F12: variants seen among roughly 807,000 people sequenced by gnomAD.
F12 encodes Hageman factor.
In F12, 70 loss-of-function variants were observed where a neutral mutation model predicts 74.8. The ratio of observed to expected loss-of-function variants is 0.94; its 90% CI spans 0.77 to 1.14. The LOEUF (loss-of-function observed/expected upper bound fraction) is 1.14. Among genes scored for constraint, F12 ranks in the 50% most tolerant of loss-of-function variants. The pLI is 0.00. For synonymous variants in F12, 373 were observed against 356.4 expected (o/e 1.05, Z -0.52); for missense variants, 811 against 835.7 (o/e 0.97, Z 0.36).
intron 4 of F12, 78 bp from the exon 5 acceptor site, chr5:177,405,511 C>T (rs1763269196): frequency 1.4e-6 from 2 of 1,471,768 alleles, no homozygotes; most frequent in Non-Finnish European, 1.9e-6. Context: ...CTTGAACCTA[C>T]TTGCCTTGTG....
chr5:177,404,918 G>A lies in F12; in HGVS notation c.530-4C>T, dbSNP rs1319731438. ...AGGCACGGGTTGGTGCGGCAGGCTT[G>A]GGGAGGGAACGCAGTGAGCCACCCC... On this transcript the variant is annotated splice_polypyrimidine_tract_variant and splice_region_variant and intron_variant, in intron 6 of 13. Coordinates refer to ENST00000253496, the MANE Select transcript of F12 (RefSeq NM_000505.4). 6.3e-7 allele frequency: 1 copy of A among 1,598,982 alleles called. No individual in the cohort carries two copies.
At position 177,405,178 on chromosome 5, in the gene F12, G is replaced by T. The variant is rs1581658448; in HGVS notation, c.405C>A (p.Cys135Ter). ...AAAACCGGAGAAGCTGAGGCTCAAA[G>T]CACTTCTCTGGGGACAAAGAGGGAT... ...LTGNHCQKEK[C>*]FEPQLLRFFH... is the part of the protein sequence containing the mutation. Residue 135 changes from cysteine (C) to a stop codon, truncating the protein, a stop_gained, in exon 6 of 14, where the codon TGC (cysteine) becomes TGA (stop). Coordinates refer to ENST00000253496, the MANE Select transcript of F12 (RefSeq NM_000505.4). LOFTEE classifies it high-confidence loss of function. 1.9e-6 allele frequency: 3 copies of T among 1,613,948 alleles called. No homozygotes were observed. The East Asian group carries it at 6.7e-5, about 36-fold the overall frequency.
chr5:177,403,220 C>T, intron 12 of F12, 34 bp downstream of exon 12: 1 of 1,599,002 alleles, frequency 6.3e-7, no homozygotes, highest in East Asian at 2.2e-5. Flanking sequence ...CAAAGGTCTC[C>T]TCCCCTACCC....
chr5:177,406,968 T>C (rs1376982832), intron 2 of F12, among the ~76,000 whole-genome samples: 1 of 152,190 alleles, frequency 6.6e-6, no homozygotes, highest in East Asian at 1.9e-4. Flanking sequence ...ACTTTGTGCT[T>C]TTGCTGGGGA....
Position 177,402,175 on chromosome 5 carries a change from G to T in F12, c.*117C>A. On this transcript the variant is annotated 3_prime_UTR_variant, in exon 14 of 14. Coordinates refer to ENST00000253496, the MANE Select transcript of F12 (RefSeq NM_000505.4). ...TCAAAGCACTTTATTGAGTTCCTGC[G>T]CCATCCTGGCGCGGAGCTGGCCGCA... The T allele has an allele frequency of 1.5e-6, 2 of 1,327,380 alleles. No homozygotes were observed. Among genetic ancestry groups the T allele is most frequent in the South Asian group, 1.2e-5 (1 of 80,308 alleles). 82.2% of individuals were successfully genotyped at this position (1,327,380 alleles called of 1,614,324 possible).
intron 2 of F12, among the ~76,000 whole-genome samples, chr5:177,406,300 A>C (rs571381450): frequency 6.6e-6 from 1 of 151,578 alleles, no homozygotes; most frequent in Non-Finnish European, 1.5e-5. Context: ...CATCCTGGCT[A>C]ATACAGTGAA....
In F12 at chr5:177,405,351, T is replaced by C. The variant is rs778949627; in HGVS notation, c.369A>G (p.Gln123=). Residue 123 remains glutamine, a synonymous_variant, in exon 5 of 14, where the codon CAA becomes CAG. Coordinates refer to ENST00000253496, the MANE Select transcript of F12 (RefSeq NM_000505.4). The part of the protein sequence containing the change: ...MPSGPHCLCP[Q]HLTGNHCQKE... ...TCTGGCAGTGGTTTCCAGTGAGGTGTTGTGGACAGAGACAGTGGGGGCCGC... is the reference window on the plus strand; with the variant it reads ...TCTGGCAGTGGTTTCCAGTGAGGTGCTGTGGACAGAGACAGTGGGGGCCGC... 6.2e-6 allele frequency: 10 copies of C among 1,614,138 alleles called. No individual in the cohort carries two copies. Among genetic ancestry groups the C allele is most frequent in the Non-Finnish European group, 8.5e-6 (10 of 1,180,004 alleles).
chr5:177,403,193 C>T (rs1763182998), intron 12 of F12, 61 bp downstream of exon 12: 7 of 1,591,922 alleles, frequency 4.4e-6, no homozygotes, highest in Admixed American at 1.7e-5. Context: ...CGGGCTTCTT[C>T]CGCCTAACCC....
intron 2 of F12, among the ~76,000 whole-genome samples, chr5:177,407,830 G>C (rs1763326290): frequency 1.3e-5 from 2 of 151,918 alleles, no homozygotes; most frequent in Non-Finnish European, 2.9e-5. Flanking sequence ...AGAGAGGAGG[G>C]GGACCTTAGG....
chr5:177,404,623 G>T lies in F12; in HGVS notation c.676C>A (p.Arg226Ser), dbSNP rs978204872. ...GAGAGCGTGGTCCTGGCCAGGCCGC[G>T]GTAGCTGAGCCCGCGGCCATCATAG... Reference protein sequence around the residue: ...SCYDGRGLSYRGLARTTLSGA... With the variant: ...SCYDGRGLSYSGLARTTLSGA... The change falls in exon 8 of 14, where the codon CGC becomes AGC. Residue 226 changes from arginine to serine, a missense_variant. Arg to Ser is a moderately radical substitution (Grantham distance 110, BLOSUM62 -1). Transcript: ENST00000253496. 2 of 1,607,154 alleles carry T rather than the reference G, an allele frequency of 1.2e-6. No homozygotes were observed. Among genetic ancestry groups the T allele is most frequent in the East Asian group, 2.2e-5 (1 of 44,866 alleles).
chr5:177,406,120 C>T, intron 2 of F12, 59 bp from the exon 3 acceptor site: 1 of 1,441,260 alleles, frequency 6.9e-7, no homozygotes, highest in Non-Finnish European at 9.8e-7. Context: ...CAGGCACTGT[C>T]CCTCAGGGTC....
At position 177,404,332 on chromosome 5, in the gene F12, C is replaced by T. The variant is rs1486683301; in HGVS notation, c.882G>A (p.Gln294=). The T allele has an allele frequency of 6.2e-7, 1 of 1,610,342 alleles. No individual in the cohort carries two copies. ...RLSWEYCDLA[Q]CQTPTQAAPP... is the part of the protein sequence containing the mutation. The stretch of plus-strand genomic sequence containing the variant: ...GCGCCGCCTGGGTTGGGGTCTGGCA[C>T]TGTGCCAGGTCGCAGTACTCCCAGC... Residue 294 remains glutamine (Q), a synonymous_variant, in exon 9 of 14, where the codon CAG becomes CAA. Coordinates refer to ENST00000253496, the MANE Select transcript of F12 (RefSeq NM_000505.4).
chr5:177,403,388 C>A lies in F12; in HGVS notation c.1397G>T (p.Arg466Leu). The A allele has an allele frequency of 6.3e-7, 1 of 1,597,080 alleles. No individual in the cohort carries two copies. The highest frequency in any genetic ancestry group is 8.5e-7 in the Non-Finnish European group (1 of 1,178,608). The change falls in exon 12 of 14, where the codon CGC becomes CTC. Residue 466 changes from arginine (R) to leucine (L), a missense_variant. By Grantham distance (102) the Arg-to-Leu change is moderately radical (BLOSUM62 -2). Transcript: ENST00000253496. ...GCTGCCGTCCGCATCCTCCTGAAGG[C>A]GCAACAGAGCTAACCCGGGCGGAGA... ...VSYQHDLALLRLQEDADGSCA... is the reference protein window; with the variant it reads ...VSYQHDLALLLLQEDADGSCA...
At chr5:177,405,267 G>A in intron 5 of F12, 56 bp downstream of exon 5, 1 of 1,613,052 alleles carries the variant, frequency 6.2e-7, no homozygotes. Context: ...TATTCTGTAG[G>A]CCCAGGGTTG....
chr5:177,406,207 G>A, intron 2 of F12, 146 bp from the exon 3 acceptor site: 1 of 757,230 alleles, frequency 1.3e-6, no homozygotes, highest in Non-Finnish European at 2.3e-6. Flanking sequence ...TTGGGTTCAG[G>A]GCCGGGCGCG....
At position 177,402,537 on chromosome 5, in the gene F12, G is replaced by T. The variant is rs544182135; in HGVS notation, c.1680+13C>A. 4.4e-6 allele frequency: 7 copies of T among 1,608,494 alleles called. No homozygotes were observed. In the African/African-American group the frequency reaches 6.7e-5, roughly 15 times the overall value. On this transcript the variant is annotated intron_variant, in intron 13 of 13. Transcript: ENST00000253496. ...GGCCTCGGGGAAGGGCGCCAACCGGGCTAAGAGCTCACCTGGCACGCATCG... is the reference window on the plus strand; with the variant it reads ...GGCCTCGGGGAAGGGCGCCAACCGGTCTAAGAGCTCACCTGGCACGCATCG...
At position 177,403,987 on chromosome 5, in the gene F12, A is replaced by G; in HGVS notation, c.1122T>C (p.Val374=). The G allele has an allele frequency of 6.2e-7, 1 of 1,603,062 alleles. No individual in the cohort carries two copies. Among genetic ancestry groups the G allele is most frequent in the Non-Finnish European group, 8.5e-7 (1 of 1,179,602 alleles). The change falls in exon 10 of 14, where the codon GTT becomes GTC. Residue 374 remains valine, a synonymous_variant. Transcript: ENST00000253496. ...RKSLSSMTRV[V]GGLVALRGAH... is the part of the protein sequence containing the mutation. ...CCCCGCGTAGCGCCACCAGCCCGCC[A>G]ACGACGCGGGTCATCGAAGACAGAC... is the stretch of plus-strand genomic sequence containing the variant.
chr5:177,406,714 G>T (rs1304061905), intron 2 of F12, among the ~76,000 whole-genome samples: 1 of 152,174 alleles, frequency 6.6e-6, no homozygotes, highest in East Asian at 1.9e-4. Context: ...AGTAATAATA[G>T]TACAGTTGAT....
intron 2 of F12, among the ~76,000 whole-genome samples, chr5:177,407,831 G>T (rs1763326345): frequency 6.6e-6 from 1 of 151,866 alleles, no homozygotes; most frequent in Admixed American, 6.6e-5. Context: ...GAGAGGAGGG[G>T]GACCTTAGGC....
Sources: allele counts gnomAD v4.1 joint callset (sites outside exome capture counted in the v4.1 genomes callset), GRCh38; gene constraint gnomAD v4.1.1; transcripts MANE v1.5; gene names NCBI Gene and HGNC (gene_info 2026-07-23, HGNC 2026-07-21).